The following KLK14 variants were observed in gnomAD, a reference collection of about 807,000 sequenced individuals.
KLK14 encodes kallikrein-14.
A neutral mutation model predicts 24.6 loss-of-function variants in KLK14; 21 were observed. The ratio of observed to expected loss-of-function variants is 0.85; its 90% confidence interval spans 0.61 to 1.23. The LOEUF is 1.23. Among genes scored for constraint, KLK14 ranks in the 50% most tolerant of loss-of-function variants. The pLI is 0.00. For missense variants in KLK14, 320 were observed against 338.9 expected (o/e 0.94, Z 0.44); for synonymous variants, 133 against 139.7 (o/e 0.95, Z 0.34).
rs1367066932 is a variant in KLK14, at chr19:51,082,844, C to A, written c.-145G>T. The A allele has an allele frequency of 3.7e-6, 5 of 1,362,692 alleles. No individual in the cohort carries two copies. In the African/African-American group the frequency reaches 7.2e-5, roughly 20 times the overall value. 84.4% of individuals were successfully genotyped at this position (1,362,692 alleles called of 1,614,324 possible). ...GGAGGATGTGGAGCAGGGCACAGGT[C>A]CCTCCTTGATGTCTTGATGAAGGAA... On this transcript the variant is annotated 5_prime_UTR_variant, in exon 1 of 6. Coordinates refer to ENST00000650543, the MANE Select transcript of KLK14 (RefSeq NM_001369775.2).
Position 51,078,448 on chromosome 19 carries a change from A to G in KLK14, c.604-289T>C, listed in dbSNP as rs74700168. On this transcript the variant is annotated intron_variant, in intron 5 of 5. Transcript: ENST00000650543. The surrounding 1 kb of genome is among the most constrained non-coding windows in gnomAD (Gnocchi z 5.0). ...AACATTTGTGTGTCTCTCTTTTTCT[A>G]TTTCCCCATCTCTGCCTCCCTCAAG... is the stretch of plus-strand genomic sequence containing the variant. Among the ~76,000 whole-genome samples, 23 of 151,718 alleles carry G rather than the reference A, an allele frequency of 1.5e-4. No homozygotes were observed. Among genetic ancestry groups the G allele is most frequent in the Middle Eastern group, 3.2e-3 (1 of 316 alleles).
Position 51,078,410 on chromosome 19 carries a change from G to T in KLK14, c.604-251C>A, listed in dbSNP as rs1001680580. On this transcript the variant is annotated intron_variant, in intron 5 of 5. Coordinates refer to ENST00000650543, the MANE Select transcript of KLK14 (RefSeq NM_001369775.2). This position sits in a 1 kb window ranked among gnomAD's most constrained non-coding sequence, Gnocchi z 5.0. ...AATCTCACCAGGCCCCTCTCTGTTC[G>T]CTCCAACTGTAGAACATTTGTGTGT... Among the ~76,000 whole-genome samples, 1 of 152,096 alleles carries T rather than the reference G, an allele frequency of 6.6e-6. No individual in the cohort carries two copies. The highest frequency in any genetic ancestry group is 6.5e-5 in the Admixed American group (1 of 15,284).
At chr19:51,083,030 C>A (rs1481029970), upstream of KLK14, among the ~76,000 whole-genome samples, 1 of 151,972 alleles carries the variant, frequency 6.6e-6, no homozygotes, top group Non-Finnish European at 1.5e-5. Flanking sequence ...TCCCCTCCCT[C>A]CCCTGTCTGG....
chr19:51,078,192 T>A lies in KLK14; in HGVS notation c.604-33A>T, dbSNP rs2091815428. 1.2e-6 allele frequency: 2 copies of A among 1,608,014 alleles called. No homozygotes were observed. Among genetic ancestry groups the A allele is most frequent in the South Asian group, 1.1e-5 (1 of 90,648 alleles). The stretch of plus-strand genomic sequence containing the variant: ...GGAGGAACAGAAATGGAGACACTGA[T>A]GGACAGGTAGCCAGAGCCACCATGG... On this transcript the variant is annotated intron_variant, in intron 5 of 5. Coordinates refer to ENST00000650543, the MANE Select transcript of KLK14 (RefSeq NM_001369775.2). The surrounding 1 kb of genome is among the most constrained non-coding windows in gnomAD (Gnocchi z 5.0).
chr19:51,079,634 A>G lies in KLK14; in HGVS notation c.281T>C (p.Val94Ala). The change falls in exon 4 of 6, where the codon GTG becomes GCG. Residue 94 changes from valine to alanine, a missense_variant. By Grantham distance (64) the Val-to-Ala change is moderately conservative (BLOSUM62 0). Coordinates refer to ENST00000650543, the MANE Select transcript of KLK14 (RefSeq NM_001369775.2). ...RWEATQQVLR[V>A]VRQVTHPNYN... ...GTTGGGGTGCGTCACCTGACGAACC[A>G]CGCGCAGCACCTGCTGGGTGGCCTC... 1 of 1,608,294 alleles carries G rather than the reference A, an allele frequency of 6.2e-7. No homozygotes were observed. The highest frequency in any genetic ancestry group is 8.5e-7 in the Non-Finnish European group (1 of 1,177,332).
At chr19:51,080,179 TTTA>T (rs1014441606) in intron 3 of KLK14, among the ~76,000 whole-genome samples, 10 of 124,626 alleles carry the variant, frequency 8.0e-5, no homozygotes, top group African/African-American at 3.4e-4. Context: ...GATTTATTTA[TTTA>T]TTTTTTTTTT....
At chr19:51,080,527 G>T (rs2122754684) in intron 3 of KLK14, among the ~76,000 whole-genome samples, 1 of 152,282 alleles carries the variant, frequency 6.6e-6, no homozygotes, top group South Asian at 2.1e-4. Flanking sequence ...TGATCTCTAG[G>T]TTCTAGACTG....
intron 3 of KLK14, among the ~76,000 whole-genome samples, chr19:51,081,000 A>G (rs2091835938): frequency 6.6e-6 from 1 of 152,264 alleles, no homozygotes; most frequent in South Asian, 2.1e-4. Context: ...ACTGGGTTGA[A>G]GTCTGCTCAT....
chr19:51,080,047 C>T (rs758793754), intron 3 of KLK14, among the ~76,000 whole-genome samples: 14 of 152,198 alleles, frequency 9.2e-5, no homozygotes, highest in Non-Finnish European at 1.8e-4. Flanking sequence ...GGCTCTAAAT[C>T]GGAACTGATA....
At chr19:51,081,819 G>T in intron 2 of KLK14, 116 bp from the exon 3 acceptor site, 3 of 942,330 alleles carry the variant, frequency 3.2e-6, no homozygotes, top group Non-Finnish European at 4.6e-6. Context: ...CCCCTAAACT[G>T]CCCGCCTCTA....
In KLK14 at chr19:51,078,928, A is replaced by G; in HGVS notation, c.490T>C (p.Cys164Arg). 2 of 1,613,942 alleles carry G rather than the reference A, an allele frequency of 1.2e-6. No individual in the cohort carries two copies. Among genetic ancestry groups the G allele is most frequent in the Non-Finnish European group, 1.7e-6 (2 of 1,179,924 alleles). The change falls in exon 5 of 6, where the codon TGC (cysteine) becomes CGC (arginine). Residue 164 changes from cysteine (C) to arginine (R), a missense_variant. Coordinates refer to ENST00000650543, the MANE Select transcript of KLK14 (RefSeq NM_001369775.2). The surrounding 1 kb of genome is among the most constrained non-coding windows in gnomAD (Gnocchi z 5.0). ...PIARYPASLQCVNINISPDEV... is the reference protein window; with the variant it reads ...PIARYPASLQRVNINISPDEV... ...TCCGGGGAGATGTTGATGTTCACGC[A>G]TTGCAGAGAGGCGGGGTACCTGGCT...
Position 51,078,247 on chromosome 19 carries a change from A to G in KLK14, c.604-88T>C, listed in dbSNP as rs970173655. ...GAGAACCCGAGAAGCAGACACAGGGAGACAGGCAGAGACACTGGTGGACAG... is the reference window on the plus strand; with the variant it reads ...GAGAACCCGAGAAGCAGACACAGGGGGACAGGCAGAGACACTGGTGGACAG... On this transcript the variant is annotated intron_variant, in intron 5 of 5. Coordinates refer to ENST00000650543, the MANE Select transcript of KLK14 (RefSeq NM_001369775.2). The surrounding 1 kb of genome is among the most constrained non-coding windows in gnomAD (Gnocchi z 5.0). 4.9e-5 allele frequency: 65 copies of G among 1,334,480 alleles called. No homozygotes were observed. In the Admixed American group the frequency reaches 6.1e-4, roughly 12 times the overall value. The allele number at this position is 1,334,480 out of a possible 1,614,324, so 82.7% of individuals were successfully genotyped here.
chr19:51,079,373 TC>T, intron 4 of KLK14, 75 bp downstream of exon 4: 3 of 1,393,048 alleles, frequency 2.2e-6, no homozygotes, highest in Non-Finnish European at 1.9e-6. Context: ...GGAGCCCCAG[TC>T]CCCCCAGCTC....
chr19:51,082,792 G>T lies in KLK14; in HGVS notation c.-93C>A, dbSNP rs2091849382. 1 of 1,605,354 alleles carries T rather than the reference G, an allele frequency of 6.2e-7. No homozygotes were observed. Among genetic ancestry groups the T allele is most frequent in the South Asian group, 1.1e-5 (1 of 90,290 alleles). ...AGGGACCAGAGACGAGGGGGGCGGG[G>T]CCTGCAGGCTCTGCGGGCGGCAGGT... is the stretch of plus-strand genomic sequence containing the variant. On this transcript the variant is annotated 5_prime_UTR_variant, in exon 1 of 6. Coordinates refer to ENST00000650543, the MANE Select transcript of KLK14 (RefSeq NM_001369775.2).
At position 51,079,476 on chromosome 19, in the gene KLK14, C is replaced by G; in HGVS notation, c.439G>C (p.Gly147Arg). 1 of 1,613,372 alleles carries G rather than the reference C, an allele frequency of 6.2e-7. No individual in the cohort carries two copies. Among genetic ancestry groups the G allele is most frequent in the Non-Finnish European group, 8.5e-7 (1 of 1,179,816 alleles). The change falls in exon 4 of 6, where the codon GGC becomes CGC. Residue 147 changes from glycine to arginine, a missense_variant. By Grantham distance (125) the Gly-to-Arg change is moderately radical. Transcript: ENST00000650543. ...ATGGGGCTGGATATAGTTCCCCAGC[C>G]TGACACTCGGCAGGAGGTCCCGGGG... ...ASPGTSCRVS[G>R]WGTISSPIAR...
At chr19:51,081,834 T>C in intron 2 of KLK14, 131 bp from the exon 3 acceptor site, 1 of 812,166 alleles carries the variant, frequency 1.2e-6, no homozygotes, top group Non-Finnish European at 1.8e-6. Context: ...CCTCTATCTG[T>C]CCCACCCAGG....
In KLK14 at chr19:51,081,545, G is replaced by C. The variant is rs1417004813; in HGVS notation, c.199C>G (p.His67Asp). 6.5e-7 allele frequency: 1 copy of C among 1,532,584 alleles called. No individual in the cohort carries two copies. The highest frequency in any genetic ancestry group is 2.5e-5 in the East Asian group (1 of 40,678). The allele number at this position is 1,532,584 out of a possible 1,614,324, so 94.9% of individuals were successfully genotyped here. ...LSGQWVITAA[H>D]CGRPILQVAL... ...GGGGTCACTTACGGGCGGCCGCAGT[G>C]AGCAGCAGTGATGACCCACTGGCCT... The change falls in exon 3 of 6, where the codon CAC (histidine) becomes GAC (aspartate). Residue 67 changes from histidine (H) to aspartate (D), a missense_variant. Coordinates refer to ENST00000650543, the MANE Select transcript of KLK14 (RefSeq NM_001369775.2).
intron 3 of KLK14, 49 bp from the exon 4 acceptor site, chr19:51,079,751 C>T: frequency 6.6e-7 from 1 of 1,514,204 alleles, no homozygotes; most frequent in Non-Finnish European, 8.8e-7. Flanking sequence ...GAGCCAGAGA[C>T]TCCTCCCCAC....
intron 4 of KLK14, 71 bp downstream of exon 4, chr19:51,079,378 C>G: frequency 6.9e-7 from 1 of 1,457,878 alleles, no homozygotes; most frequent in Non-Finnish European, 9.2e-7. Context: ...CCCAGTCCCC[C>G]CAGCTCCACC....
Sources: gnomAD v4.1 joint callset for allele counts (sites outside exome capture counted in the v4.1 genomes callset) on GRCh38, gnomAD v4.1.1 for gene constraint, Gnocchi (gnomAD v3.1) non-coding constraint, MANE v1.5 for transcripts, NCBI Gene and HGNC (gene_info 2026-07-23, HGNC 2026-07-21) for gene names.